KLHL1: variants seen among roughly 807,000 people sequenced by gnomAD.
KLHL1 encodes kelch-like protein 1.
In KLHL1, 47 loss-of-function variants were observed where a neutral mutation model predicts 77.7. The ratio of observed to expected loss-of-function variants is 0.60; its 90% CI spans 0.48 to 0.77. The LOEUF (loss-of-function observed/expected upper bound fraction) is 0.77, where lower values mean the gene tolerates loss of function less well. Among genes scored for constraint, KLHL1 ranks in the 30% least tolerant of loss-of-function variants. KLHL1 has a pLI of 0.00. For missense variants in KLHL1, 925 were observed against 910.8 expected (o/e 1.02, Z -0.20); for synonymous variants, 360 against 325.2 (o/e 1.11, Z -1.15).
intron 8 of KLHL1, among the ~76,000 whole-genome samples, chr13:69,721,704 T>A (rs1873073172): frequency 6.6e-6 from 1 of 152,106 alleles, no homozygotes; most frequent in African/African-American, 2.4e-5. Context: ...ATCCTGGGAA[T>A]GTTTTTCTAA....
intron 8 of KLHL1, among the ~76,000 whole-genome samples, chr13:69,733,139 T>C (rs1187801626): frequency 6.6e-6 from 1 of 152,046 alleles, no homozygotes; most frequent in Non-Finnish European, 1.5e-5. Context: ...CTGTTCTGAT[T>C]TCTGGCTCTT....
rs201450783 is a variant in KLHL1, at chr13:69,975,846, G to T, written c.498-44C>A. The T allele has an allele frequency of 8.9e-6, 13 of 1,468,558 alleles. No individual in the cohort carries two copies. In the African/African-American group the frequency reaches 1.0e-4, roughly 12 times the overall value. 91.0% of individuals were successfully genotyped at this position (1,468,558 alleles called of 1,614,324 possible). On this transcript the variant is annotated intron_variant, in intron 1 of 10. Transcript: ENST00000377844. ...CACACACACACACAAAATAATAAAG[G>T]GATTTATAAAGAGCCAATTATCTAG...
At chr13:69,721,828 C>T (rs1176273241) in intron 8 of KLHL1, among the ~76,000 whole-genome samples, 1 of 152,050 alleles carries the variant, frequency 6.6e-6, no homozygotes, top group African/African-American at 2.4e-5. Context: ...AGTCTGCTAA[C>T]TCTCAATCTT....
At chr13:69,987,662 G>T (rs2137308284) in intron 1 of KLHL1, among the ~76,000 whole-genome samples, 1 of 152,054 alleles carries the variant, frequency 6.6e-6, no homozygotes, top group East Asian at 1.9e-4. Flanking sequence ...TTTACCTAAT[G>T]ATAACAACTG....
In KLHL1 at chr13:69,940,188, G is replaced by T; in HGVS notation, c.866C>A (p.Ala289Glu). Residue 289 changes from alanine (A) to glutamate (E), a missense_variant, in exon 4 of 11, where the codon GCG becomes GAG. Coordinates refer to ENST00000377844, the MANE Select transcript of KLHL1 (RefSeq NM_020866.3). ...EDTIENLLAAACLLQLPQVVE... is the reference protein window; with the variant it reads ...EDTIENLLAAECLLQLPQVVE... ...CACCTGTGGAAGCTGAAGAAGGCAC[G>T]CTGCAGCAAGAAGGTTCTCAATGGT... 6.2e-7 allele frequency: 1 copy of T among 1,612,442 alleles called. No individual in the cohort carries two copies.
At chr13:70,073,902 C>T (rs1483049412) in intron 1 of KLHL1, among the ~76,000 whole-genome samples, 6 of 151,624 alleles carry the variant, frequency 4.0e-5, no homozygotes, top group African/African-American at 7.3e-5. Context: ...CTTGGCTCAC[C>T]GCAGCCTCCA....
intron 5 of KLHL1, among the ~76,000 whole-genome samples, chr13:69,873,531 A>G (rs1880658808): frequency 6.6e-6 from 1 of 152,178 alleles, no homozygotes; most frequent in African/African-American, 2.4e-5. Context: ...CTGAATCAAT[A>G]TGCTCTAATA....
intron 4 of KLHL1, among the ~76,000 whole-genome samples, chr13:69,907,234 T>G (rs1404124785): frequency 6.6e-6 from 1 of 151,966 alleles, no homozygotes; most frequent in Non-Finnish European, 1.5e-5. Context: ...GCGTATTAAA[T>G]AAATATATCA....
At chr13:69,897,505 TC>T (rs1881689649) in intron 4 of KLHL1, among the ~76,000 whole-genome samples, 2 of 152,198 alleles carry the variant, frequency 1.3e-5, no homozygotes, top group South Asian at 4.1e-4. Context: ...CCCAAAGATA[TC>T]CTTGAAACGT....
At chr13:69,954,629 A>T (rs1883811353) in intron 3 of KLHL1, among the ~76,000 whole-genome samples, 2 of 151,330 alleles carry the variant, frequency 1.3e-5, no homozygotes, top group South Asian at 4.1e-4. Flanking sequence ...AAAGTCACCT[A>T]GCTATTTCTT....
At chr13:70,012,729 T>C (rs1885565192) in intron 1 of KLHL1, among the ~76,000 whole-genome samples, 2 of 151,910 alleles carry the variant, frequency 1.3e-5, no homozygotes, top group African/African-American at 4.8e-5. Context: ...GCTAACATGG[T>C]GAAACCCCGT....
intron 1 of KLHL1, among the ~76,000 whole-genome samples, chr13:70,026,395 A>T (rs1432744803): frequency 6.6e-6 from 1 of 152,106 alleles, no homozygotes; most frequent in Non-Finnish European, 1.5e-5. Flanking sequence ...ATTTTTAGCA[A>T]TTTAGTTTTA....
chr13:69,988,919 G>C (rs1351915417), intron 1 of KLHL1, among the ~76,000 whole-genome samples: 2 of 152,004 alleles, frequency 1.3e-5, no homozygotes, highest in African/African-American at 4.8e-5. Flanking sequence ...TAGGTTGTCT[G>C]TTTGTTCTGT....
chr13:69,738,550 C>T (rs74628075), intron 8 of KLHL1, among the ~76,000 whole-genome samples: 2 of 151,926 alleles, frequency 1.3e-5, no homozygotes, highest in African/African-American at 4.8e-5. Flanking sequence ...TAGAGAGGAA[C>T]ATAAATTACC....
At chr13:69,903,155 T>C (rs563214032) in intron 4 of KLHL1, among the ~76,000 whole-genome samples, 1 of 152,294 alleles carries the variant, frequency 6.6e-6, no homozygotes, top group South Asian at 2.1e-4. Flanking sequence ...GGATTGGTCA[T>C]GTACTCTAAG....
chr13:69,770,552 T>C (rs371835393), intron 7 of KLHL1, among the ~76,000 whole-genome samples: 1 of 152,340 alleles, frequency 6.6e-6, no homozygotes, highest in East Asian at 1.9e-4. Context: ...TTGCTTAGTC[T>C]GGTCTTGGGC....
At chr13:69,735,081 T>C (rs969574972) in intron 8 of KLHL1, among the ~76,000 whole-genome samples, 4 of 152,058 alleles carry the variant, frequency 2.6e-5, no homozygotes, top group Non-Finnish European at 1.5e-5. Context: ...AGATGTGTAA[T>C]ATGATTTATA....
intron 1 of KLHL1, among the ~76,000 whole-genome samples, chr13:70,039,055 C>T (rs1204852790): frequency 2.4e-5 from 3 of 127,062 alleles, no homozygotes; most frequent in South Asian, 4.7e-4. Context: ...ATCCTTTGCA[C>T]ATTTTTTTTT....
chr13:69,739,558 A>G (rs911919603), intron 8 of KLHL1, among the ~76,000 whole-genome samples: 1 of 152,224 alleles, frequency 6.6e-6, no homozygotes, highest in Non-Finnish European at 1.5e-5. Context: ...AGGAAAATTT[A>G]TTGAGCAAAT....
Sources: gnomAD v4.1 joint callset for allele counts (sites outside exome capture counted in the v4.1 genomes callset) on GRCh38, gnomAD v4.1.1 for gene constraint, MANE v1.5 for transcripts, NCBI Gene and HGNC (gene_info 2026-07-23, HGNC 2026-07-21) for gene names.